ATP8A2: variants seen among roughly 807,000 people sequenced by gnomAD.
The protein encoded by ATP8A2 is phospholipid-transporting ATPase IB.
Under a neutral mutation model 165.6 loss-of-function variants are expected in ATP8A2, and 100 were observed. That is an observed-to-expected ratio of 0.60 (90% CI 0.51 to 0.71). The LOEUF is 0.71. ATP8A2 is among the 30% of genes least tolerant of loss of function. ATP8A2 has a pLI of 0.00. For synonymous variants in ATP8A2, 543 were observed against 548.8 expected (o/e 0.99, Z 0.15); for missense variants, 1,227 against 1,479.5 (o/e 0.83, Z 2.80).
intron 24 of ATP8A2, among the ~76,000 whole-genome samples, chr13:25,674,300 G>A (rs2042328198): frequency 6.6e-6 from 1 of 151,624 alleles, no homozygotes; most frequent in African/African-American, 2.4e-5. Flanking sequence ...AGGACCTTTG[G>A]CTCTTTTAGC....
Position 26,025,116 on chromosome 13 carries a change from C to CAAAAAAAAAAAAAA in ATP8A2, c.*5139_*5152dup, listed in dbSNP as rs71080217. The CAAAAAAAAAAAAAA allele has an allele frequency of 2.1e-5, 2 of 94,780 alleles. No individual in the cohort carries two copies. Among genetic ancestry groups the CAAAAAAAAAAAAAA allele is most frequent in the African/African-American group, 4.1e-5 (1 of 24,548 alleles). 5.9% of individuals were successfully genotyped at this position (94,780 alleles called of 1,614,324 possible). On this transcript the variant is annotated 3_prime_UTR_variant, in exon 37 of 37. Coordinates refer to ENST00000381655, the MANE Select transcript of ATP8A2 (RefSeq NM_016529.6). ...GTGAATCAATAAACACCAACAACAA[C>CAAAAAAAAAAAAAA]AAAAAAAAAAAAAAAAAAAAAGGAA...
chr13:25,427,486 C>G (rs1330402703), intron 1 of ATP8A2, among the ~76,000 whole-genome samples: 1 of 152,084 alleles, frequency 6.6e-6, no homozygotes, highest in Non-Finnish European at 1.5e-5. Flanking sequence ...TCCCTCCACG[C>G]CCGGGTCATG....
At chr13:25,469,256 C>T (rs1427360595) in intron 2 of ATP8A2, 135 bp downstream of exon 2, 6 of 1,101,334 alleles carry the variant, frequency 5.4e-6, no homozygotes, top group African/African-American at 1.6e-5. Context: ...CCTGCCCCCT[C>T]CCCACCCCAC....
At chr13:25,381,403 G>C (rs866336530) in intron 1 of ATP8A2, among the ~76,000 whole-genome samples, 4 of 152,160 alleles carry the variant, frequency 2.6e-5, no homozygotes, top group Non-Finnish European at 5.9e-5. Flanking sequence ...ATACAAAAGA[G>C]AAGAAGTCTG....
intron 1 of ATP8A2, among the ~76,000 whole-genome samples, chr13:25,377,938 G>A (rs1344087429): frequency 6.6e-6 from 1 of 152,132 alleles, no homozygotes; most frequent in East Asian, 1.9e-4. Flanking sequence ...GTACAACATA[G>A]TGAGACCCCA....
chr13:26,013,617 C>A (rs548329828), intron 36 of ATP8A2, among the ~76,000 whole-genome samples: 1 of 151,154 alleles, frequency 6.6e-6, no homozygotes, highest in African/African-American at 2.4e-5. Flanking sequence ...GAGGTTGCAG[C>A]GAGCCGAGGT....
chr13:25,530,715 T>C (rs1384835303), intron 4 of ATP8A2, 55 bp downstream of exon 4: 4 of 1,090,616 alleles, frequency 3.7e-6, no homozygotes, highest in East Asian at 2.6e-5. Flanking sequence ...TAATAACTTA[T>C]GTGTTGCCTC....
At chr13:25,991,911 GT>G (rs796888984) in intron 35 of ATP8A2, among the ~76,000 whole-genome samples, 66 of 142,184 alleles carry the variant, frequency 4.6e-4, no homozygotes, top group Middle Eastern at 3.7e-3. Context: ...TTACTTTTAG[GT>G]TTTTTTTTTT....
rs1331859014 is a variant in ATP8A2 at position 26,025,084 on chromosome 13, T to C, written c.*5099T>C. The C allele has an allele frequency of 2.2e-5, 3 of 138,812 alleles. No individual in the cohort carries two copies. Among genetic ancestry groups the C allele is most frequent in the Admixed American group, 1.5e-4 (2 of 13,144 alleles). The allele number at this position is 138,812 out of a possible 1,614,324, so 8.6% of individuals were successfully genotyped here. ...TCTTAAGAGATAGCCTGATATGTGG[T>C]TTATAGGTGAATCAATAAACACCAA... On this transcript the variant is annotated 3_prime_UTR_variant, in exon 37 of 37. Transcript: ENST00000381655.
chr13:25,389,983 C>CGTTTGTTTTG (rs2033186688), intron 1 of ATP8A2, among the ~76,000 whole-genome samples: 1 of 151,024 alleles, frequency 6.6e-6, no homozygotes, highest in Non-Finnish European at 1.5e-5. Context: ...AATTTTTTGC[C>CGTTTGTTTTG]TTTTGTTTTG....
At chr13:25,715,985 A>G (rs2043247454) in intron 25 of ATP8A2, among the ~76,000 whole-genome samples, 1 of 152,184 alleles carries the variant, frequency 6.6e-6, no homozygotes, top group Admixed American at 6.5e-5. Flanking sequence ...ATCCTTGCCA[A>G]AACTTTCCTT....
chr13:25,578,424 T>C (rs1566292445), intron 20 of ATP8A2, among the ~76,000 whole-genome samples: 2 of 152,200 alleles, frequency 1.3e-5, no homozygotes, highest in African/African-American at 2.4e-5. Context: ...TCCTCCCGTA[T>C]TGGGAGGCAG....
intron 1 of ATP8A2, among the ~76,000 whole-genome samples, chr13:25,417,559 T>C (rs9581338): frequency 0.27 from 40,397 of 151,838 alleles, 5,598 homozygotes; most frequent in East Asian, 0.46. Context: ...CCAAATTTGA[T>C]AATTCTATAG....
chr13:25,682,264 C>T (rs7358795), intron 24 of ATP8A2, among the ~76,000 whole-genome samples: 4 of 152,034 alleles, frequency 2.6e-5, no homozygotes, highest in Non-Finnish European at 4.4e-5. Context: ...TGTGGGTTTC[C>T]CTGTTAATCG....
At chr13:26,014,949 A>G (rs1165700304) in intron 36 of ATP8A2, among the ~76,000 whole-genome samples, 1 of 152,080 alleles carries the variant, frequency 6.6e-6, no homozygotes. Flanking sequence ...GGTTCCCAGA[A>G]CTCTACAGGG....
At chr13:25,530,741 G>A in intron 4 of ATP8A2, 81 bp downstream of exon 4, 1 of 903,542 alleles carries the variant, frequency 1.1e-6, no homozygotes, top group Non-Finnish European at 1.7e-6. Flanking sequence ...ATATATTTAA[G>A]GCAGGAAATT....
At chr13:25,904,985 T>A (rs1225918347) in intron 33 of ATP8A2, among the ~76,000 whole-genome samples, 2 of 152,252 alleles carry the variant, frequency 1.3e-5, no homozygotes, top group Non-Finnish European at 2.9e-5. Flanking sequence ...AGTAGTCAGA[T>A]ACCTGCATGC....
intron 24 of ATP8A2, among the ~76,000 whole-genome samples, chr13:25,652,047 C>T (rs2041825384): frequency 6.6e-6 from 1 of 152,124 alleles, no homozygotes; most frequent in South Asian, 2.1e-4. Flanking sequence ...GTTAAGACTT[C>T]AAATCTATGG....
chr13:25,842,494 A>G (rs913009860), intron 30 of ATP8A2, among the ~76,000 whole-genome samples: 1 of 152,088 alleles, frequency 6.6e-6, no homozygotes. Context: ...CAACATGGTA[A>G]AACCCCGTCT....
Sources: allele counts gnomAD v4.1 joint callset (sites outside exome capture counted in the v4.1 genomes callset), GRCh38; gene constraint gnomAD v4.1.1; transcripts MANE v1.5; gene names NCBI Gene and HGNC (gene_info 2026-07-23, HGNC 2026-07-21).